Variants in SPATA1 observed in about 807,000 individuals in gnomAD.
SPATA1 encodes spermatogenesis-associated protein 1.
A neutral mutation model predicts 59.6 loss-of-function variants in SPATA1; 57 were observed. The observed-to-expected ratio is 0.96, with a 90% CI of 0.77 to 1.19. The LOEUF (loss-of-function observed/expected upper bound fraction) is 1.19. Ranked by LOEUF, SPATA1 falls within the 50% of genes most tolerant of loss-of-function variation. The pLI, the probability that SPATA1 is intolerant of heterozygous loss-of-function variation, is 0.00. For missense variants in SPATA1, 448 were observed against 480.7 expected (o/e 0.93, Z 0.64); for synonymous variants, 147 against 163.9 (o/e 0.90, Z 0.79).
chr1:84,519,052 T>C (rs569857154), intron 2 of SPATA1, among the ~76,000 whole-genome samples: 5 of 152,136 alleles, frequency 3.3e-5, no homozygotes, highest in African/African-American at 1.2e-4. Context: ...CTGAGGCAAA[T>C]GAGGTACTTG....
rs372939098 is a variant in SPATA1 at position 84,563,344 on chromosome 1, G to A, written n.443-2517G>A. On this transcript the variant is annotated intron_variant and non_coding_transcript_variant, in intron 4 of 4. Coordinates refer to the SPATA1 transcript ENST00000460286. ...TTATTTGCTTCATGATCGTTTTGTA[G>A]GGCACCTGACGTCCTGCAGCGTCAC... 1.9e-5 allele frequency: 31 copies of A among 1,598,678 alleles called. 2 individuals are homozygous for A. The highest frequency in any genetic ancestry group is 1.1e-5 in the South Asian group (1 of 89,154).
chr1:84,551,369 A>G (rs1684265520), intron 12 of SPATA1: 1 of 758,816 alleles, frequency 1.3e-6, no homozygotes, highest in Non-Finnish European at 1.6e-6. Flanking sequence ...AGATAAAAAT[A>G]AAAATAAATA....
chr1:84,543,193 G>A (rs1179794542), intron 8 of SPATA1, among the ~76,000 whole-genome samples: 1 of 152,134 alleles, frequency 6.6e-6, no homozygotes, highest in Non-Finnish European at 1.5e-5. Flanking sequence ...AAATAGAAGT[G>A]AGAGCTTGAT....
At chr1:84,560,031 C>T (rs1350699203) in intron 4 of SPATA1, among the ~76,000 whole-genome samples, 2 of 145,312 alleles carry the variant, frequency 1.4e-5, no homozygotes, top group Non-Finnish European at 3.0e-5. Context: ...GTGCAGTGAA[C>T]CCAGAGGGCG....
intron 10 of SPATA1, among the ~76,000 whole-genome samples, chr1:84,546,763 G>T (rs1386037807): frequency 1.3e-5 from 2 of 152,100 alleles, no homozygotes; most frequent in African/African-American, 4.8e-5. Flanking sequence ...AGCCTACTTT[G>T]AGTCCCTTGG....
chr1:84,563,185 T>A lies in SPATA1; in HGVS notation n.443-2676T>A, dbSNP rs987280697. The A allele has an allele frequency of 1.1e-5, 12 of 1,053,800 alleles. No homozygotes were observed. In the African/African-American group the frequency reaches 2.0e-4, roughly 18 times the overall value. 65.3% of individuals were successfully genotyped at this position (1,053,800 alleles called of 1,614,324 possible). A position where few individuals can be genotyped will look rare whatever the true frequency, so the allele number is the denominator to read the frequency against. ...AGAAAACTGATAGAAATTCTTGATA[T>A]CAAACATCTAATTATGAAAATAATT... On this transcript the variant is annotated intron_variant and non_coding_transcript_variant, in intron 4 of 4. Transcript: ENST00000460286.
chr1:84,510,701 A>G (rs1438458728), intron 1 of SPATA1, among the ~76,000 whole-genome samples: 1 of 152,234 alleles, frequency 6.6e-6, no homozygotes, highest in Non-Finnish European at 1.5e-5. Flanking sequence ...TCGAGGTATC[A>G]GCACTCCCTT....
chr1:84,520,440 T>G, intron 2 of SPATA1, 145 bp from the exon 3 acceptor site: 3 of 531,726 alleles, frequency 5.6e-6, no homozygotes, highest in Non-Finnish European at 6.3e-6. Flanking sequence ...TTTTAGTTCA[T>G]TTTGGTTTTT....
intron 1 of SPATA1, among the ~76,000 whole-genome samples, chr1:84,509,208 T>TAAAA (rs547069684): frequency 1.5e-5 from 2 of 134,422 alleles, no homozygotes; most frequent in African/African-American, 2.7e-5. Context: ...GGTACTGGCA[T>TAAAA]AAAAAAAAAA....
chr1:84,544,195 C>T lies in SPATA1; in HGVS notation c.718-7C>T. On this transcript the variant is annotated splice_region_variant and splice_polypyrimidine_tract_variant and intron_variant, in intron 8 of 12. Transcript: ENST00000490879. Reference sequence around the variant, plus strand: ...CCGATCTTACTCATTTTCACGTTTGCTTACAGACAGCTGAAAAAGAGTACA... The same window carrying T: ...CCGATCTTACTCATTTTCACGTTTGTTTACAGACAGCTGAAAAAGAGTACA... The T allele has an allele frequency of 6.4e-7, 1 of 1,563,868 alleles. No individual in the cohort carries two copies.
At chr1:84,562,741 A>T (rs1684617930) in intron 4 of SPATA1, among the ~76,000 whole-genome samples, 1 of 152,188 alleles carries the variant, frequency 6.6e-6, no homozygotes, top group South Asian at 2.1e-4. Flanking sequence ...TTTATGTAAT[A>T]TTTTTGTAAG....
At chr1:84,550,567 T>G in intron 12 of SPATA1, 37 bp downstream of exon 12, 1 of 1,463,250 alleles carries the variant, frequency 6.8e-7, no homozygotes, top group Non-Finnish European at 9.1e-7. Flanking sequence ...TATTATAACA[T>G]TTATCTTGAA....
intron 6 of SPATA1, among the ~76,000 whole-genome samples, chr1:84,530,046 CG>C (rs1683407384): frequency 6.6e-6 from 1 of 151,744 alleles, no homozygotes; most frequent in South Asian, 2.1e-4. Context: ...TTAGTAGAGA[CG>C]GGGTTTCACC....
chr1:84,523,096 A>C (rs1277952521), intron 4 of SPATA1, among the ~76,000 whole-genome samples: 1 of 151,778 alleles, frequency 6.6e-6, no homozygotes, highest in Non-Finnish European at 1.5e-5. Flanking sequence ...GTAGAGACAG[A>C]GTTTCACCAT....
chr1:84,520,791 T>TA, intron 3 of SPATA1, 100 bp downstream of exon 3: 1 of 799,604 alleles, frequency 1.3e-6, no homozygotes, highest in South Asian at 1.7e-5. Context: ...AAGTGAAAAA[T>TA]ATTTTGTCCA....
chr1:84,563,280 G>A (rs148822299), intron 4 of SPATA1: 20 of 1,565,858 alleles, frequency 1.3e-5, no homozygotes, highest in Admixed American at 3.8e-5. Flanking sequence ...TAAGGAGCCC[G>A]CTGATCTTTA....
chr1:84,537,325 C>CATTA (rs1683739008), intron 8 of SPATA1, among the ~76,000 whole-genome samples: 1 of 152,104 alleles, frequency 6.6e-6, no homozygotes, highest in African/African-American at 2.4e-5. Flanking sequence ...GTCCCTAAGA[C>CATTA]TAATCATGAT....
chr1:84,545,907 A>C (rs1684071427), intron 10 of SPATA1, 148 bp downstream of exon 10: 1 of 520,512 alleles, frequency 1.9e-6, no homozygotes, highest in African/African-American at 2.0e-5. Flanking sequence ...TCAATATAGA[A>C]AACATGAAAT....
intron 2 of SPATA1, among the ~76,000 whole-genome samples, chr1:84,518,514 TTAAA>T (rs1430935675): frequency 1.3e-5 from 2 of 152,078 alleles, no homozygotes; most frequent in Non-Finnish European, 2.9e-5. Flanking sequence ...ATTTTTCATA[TTAAA>T]TAAAAATATA....
Sources: gnomAD v4.1 joint callset for allele counts (sites outside exome capture counted in the v4.1 genomes callset) on GRCh38, gnomAD v4.1.1 for gene constraint, MANE v1.5 for transcripts, NCBI Gene and HGNC (gene_info 2026-07-23, HGNC 2026-07-21) for gene names.